The following PRKCA variants were observed in gnomAD, a reference collection of about 807,000 sequenced individuals.
PRKCA encodes the protein protein kinase C alpha.
Under a neutral mutation model 87.0 loss-of-function variants are expected in PRKCA, and 27 were observed. The observed-to-expected ratio is 0.31, with a 90% CI of 0.23 to 0.43. The LOEUF is 0.43. Ranked by LOEUF, PRKCA falls within the 20% of genes least tolerant of loss-of-function variation. The pLI is 1.00. For missense variants in PRKCA, 518 were observed against 852.3 expected, an observed-to-expected ratio of 0.61 and a Z score of 4.88; for synonymous variants, 329 against 311.1, an observed-to-expected ratio of 1.06 and a Z score of -0.61.
At chr17:66,564,948 C>T (rs1968841376) in intron 3 of PRKCA, among the ~76,000 whole-genome samples, 1 of 152,144 alleles carries the variant, frequency 6.6e-6, no homozygotes, top group Admixed American at 6.5e-5. Flanking sequence ...CCACTGCACT[C>T]CAGCCTGGGT....
Position 66,476,075 on chromosome 17 carries a change from T to C in PRKCA, c.206-20126T>C, listed in dbSNP as rs535254414. ...ACCAGGCCTGGCTAATTTTTTTGTA[T>C]TTTTAGTAGAGGCAGAGTTTTGCTA... On this transcript the variant is annotated intron_variant, in intron 2 of 16. Coordinates refer to ENST00000413366, the MANE Select transcript of PRKCA (RefSeq NM_002737.3). 8.5e-5 allele frequency among the ~76,000 whole-genome samples: 13 copies of C among 152,184 alleles called. No homozygotes were observed. In the South Asian group the frequency reaches 2.5e-3, roughly 29 times the overall value.
At chr17:66,592,896 G>A (rs1282493740) in intron 3 of PRKCA, among the ~76,000 whole-genome samples, 1 of 152,176 alleles carries the variant, frequency 6.6e-6, no homozygotes, top group Admixed American at 6.5e-5. Flanking sequence ...GGGTTCAAGC[G>A]ATTCTCCTGC....
chr17:66,785,816 G>A (rs1481282289), intron 14 of PRKCA, among the ~76,000 whole-genome samples: 1 of 152,194 alleles, frequency 6.6e-6, no homozygotes, highest in African/African-American at 2.4e-5. Context: ...CATCTTACAA[G>A]TTGGAGAACT....
chr17:66,378,404 A>G (rs1207036819), intron 2 of PRKCA, among the ~76,000 whole-genome samples: 2 of 152,208 alleles, frequency 1.3e-5, no homozygotes, highest in Non-Finnish European at 2.9e-5. Flanking sequence ...GTATCATAAA[A>G]TTCACCATTT....
chr17:66,543,770 G>A (rs896522097), intron 3 of PRKCA, among the ~76,000 whole-genome samples: 1 of 152,186 alleles, frequency 6.6e-6, no homozygotes, highest in Non-Finnish European at 1.5e-5. Flanking sequence ...CTACACCATA[G>A]AAAAGGCTAC....
At chr17:66,641,882 T>C (rs1307542968) in intron 4 of PRKCA, among the ~76,000 whole-genome samples, 1 of 152,154 alleles carries the variant, frequency 6.6e-6, no homozygotes, top group Non-Finnish European at 1.5e-5. Context: ...GTGGGTGGAC[T>C]GTGGAAAAAT....
chr17:66,785,554 A>G (rs1003026332), intron 14 of PRKCA, among the ~76,000 whole-genome samples: 1 of 152,114 alleles, frequency 6.6e-6, no homozygotes, highest in African/African-American at 2.4e-5. Flanking sequence ...GCATTACGGA[A>G]TTTCCCATGA....
chr17:66,587,260 T>A (rs1299894125), intron 3 of PRKCA, among the ~76,000 whole-genome samples: 1 of 152,232 alleles, frequency 6.6e-6, no homozygotes, highest in Non-Finnish European at 1.5e-5. Context: ...CCTTATATCC[T>A]TCTCCTTCCA....
At chr17:66,609,489 G>A (rs1321471214) in intron 3 of PRKCA, among the ~76,000 whole-genome samples, 3 of 152,142 alleles carry the variant, frequency 2.0e-5, no homozygotes, top group South Asian at 2.1e-4. Context: ...GCCAATCATC[G>A]ATCAGTCCTG....
intron 5 of PRKCA, among the ~76,000 whole-genome samples, chr17:66,664,745 C>T (rs1173685841): frequency 2.2e-5 from 3 of 137,440 alleles, no homozygotes; most frequent in Non-Finnish European, 4.5e-5. Context: ...CCATGATGAG[C>T]TGCCGGGCTC....
chr17:66,567,382 C>T (rs182186882), intron 3 of PRKCA, among the ~76,000 whole-genome samples: 7 of 152,078 alleles, frequency 4.6e-5, no homozygotes, highest in African/African-American at 9.7e-5. Flanking sequence ...GTGTGGCGAC[C>T]GAGACTGACC....
chr17:66,502,999 C>T (rs1916812608), intron 3 of PRKCA, among the ~76,000 whole-genome samples: 1 of 152,268 alleles, frequency 6.6e-6, no homozygotes, highest in Non-Finnish European at 1.5e-5. Flanking sequence ...AGAAGAGAAG[C>T]TGTTTTTATG....
chr17:66,532,751 C>T (rs1421229418), intron 3 of PRKCA, among the ~76,000 whole-genome samples: 1 of 152,184 alleles, frequency 6.6e-6, no homozygotes, highest in Non-Finnish European at 1.5e-5. Flanking sequence ...CTTCCACTCA[C>T]ATCCCCTCTG....
At chr17:66,348,897 A>G (rs1731561923) in intron 2 of PRKCA, among the ~76,000 whole-genome samples, 1 of 152,228 alleles carries the variant, frequency 6.6e-6, no homozygotes, top group South Asian at 2.1e-4. Flanking sequence ...TAAAAATTAC[A>G]GGTCTCCAAA....
intron 8 of PRKCA, among the ~76,000 whole-genome samples, chr17:66,724,528 T>A (rs1000860862): frequency 6.6e-6 from 1 of 152,180 alleles, no homozygotes; most frequent in Non-Finnish European, 1.5e-5. Context: ...TCTAATGAGT[T>A]AATATCTGCT....
intron 3 of PRKCA, among the ~76,000 whole-genome samples, chr17:66,589,887 A>G (rs917871): frequency 0.21 from 32,671 of 152,124 alleles, 3,712 homozygotes; most frequent in South Asian, 0.33. Context: ...ACCTCAGATC[A>G]TTAGGCATTA....
intron 3 of PRKCA, among the ~76,000 whole-genome samples, chr17:66,515,788 G>A (rs1463565234): frequency 6.6e-6 from 1 of 152,148 alleles, no homozygotes; most frequent in Non-Finnish European, 1.5e-5. Context: ...GAAGCAATCC[G>A]CCCACCTCGG....
intron 13 of PRKCA, among the ~76,000 whole-genome samples, chr17:66,750,620 G>A (rs1974407044): frequency 1.3e-5 from 2 of 152,178 alleles, no homozygotes; most frequent in African/African-American, 4.8e-5. Flanking sequence ...TGAAACAAAT[G>A]TGGCCCGCTC....
intron 5 of PRKCA, among the ~76,000 whole-genome samples, chr17:66,667,329 A>T (rs1010705353): frequency 1.3e-5 from 2 of 152,262 alleles, no homozygotes; most frequent in African/African-American, 4.8e-5. Flanking sequence ...ATAAAGACAT[A>T]CCTGAGACTG....
Sources: allele counts gnomAD v4.1 joint callset (sites outside exome capture counted in the v4.1 genomes callset), GRCh38; gene constraint gnomAD v4.1.1; transcripts MANE v1.5; gene names NCBI Gene and HGNC (gene_info 2026-07-23, HGNC 2026-07-21).